Variants in ABHD2 observed in about 807,000 individuals in gnomAD.
The protein encoded by ABHD2 is monoacylglycerol lipase ABHD2.
Under a neutral mutation model 48.1 loss-of-function variants are expected in ABHD2, and 20 were observed. The observed-to-expected ratio is 0.42, with a 90% CI of 0.29 to 0.60. The LOEUF (loss-of-function observed/expected upper bound fraction) is 0.60. Among genes scored for constraint, ABHD2 ranks in the 20% least tolerant of loss-of-function variants. The pLI is 0.24. For missense variants in ABHD2, 405 were observed against 550.9 expected (o/e 0.74, Z 2.65); for synonymous variants, 209 against 214.2 (o/e 0.98, Z 0.21).
intron 5 of ABHD2, among the ~76,000 whole-genome samples, chr15:89,158,773 T>C (rs762500330): frequency 6.6e-6 from 1 of 151,982 alleles, no homozygotes; most frequent in African/African-American, 2.4e-5. Context: ...AGTGAAGTAG[T>C]GCAATCATGG....
chr15:89,201,578 A>C lies in ABHD2; in HGVS notation c.*6155A>C. The C allele has an allele frequency of 1.3e-6, 2 of 1,596,446 alleles. No individual in the cohort carries two copies. The highest frequency in any genetic ancestry group is 1.7e-6 in the Non-Finnish European group (2 of 1,164,016). ...CAAAGGGCTGTAGCATTACTGAAAC[A>C]GTCACAGTTGACCCTGGGTCAATAA... On this transcript the variant is annotated 3_prime_UTR_variant, in exon 11 of 11. Transcript: ENST00000352732.
chr15:89,127,704 TACATATATATATATAC>T lies in ABHD2; in HGVS notation c.194+11199_194+11214del, dbSNP rs1163511427. 5.2e-4 allele frequency among the ~76,000 whole-genome samples: 48 copies of T among 93,010 alleles called. 1 individual carries two copies. Among genetic ancestry groups the T allele is most frequent in the Middle Eastern group, 5.2e-3 (1 of 194 alleles). The allele number at this position is 93,010 out of a possible 152,430, so 61.0% of individuals were successfully genotyped here. On this transcript the variant is annotated intron_variant, in intron 3 of 10. Transcript: ENST00000352732. ...ATTCTTCTCAGTGAATATATATATA[TACATATATATATATAC>T]ACATATATATATATATATATGTATA...
chr15:89,197,180 T>TG lies in ABHD2; in HGVS notation c.*1757_*1758insG, dbSNP rs2051419550. 1 of 152,624 alleles carries TG rather than the reference T, an allele frequency of 6.6e-6. No homozygotes were observed. The highest frequency in any genetic ancestry group is 1.5e-5 in the Non-Finnish European group (1 of 68,036). 9.5% of individuals were successfully genotyped at this position (152,624 alleles called of 1,614,324 possible). On this transcript the variant is annotated 3_prime_UTR_variant, in exon 11 of 11. Coordinates refer to ENST00000352732, the MANE Select transcript of ABHD2 (RefSeq NM_152924.5). This position sits in a 1 kb window ranked among gnomAD's most constrained non-coding sequence, Gnocchi z 4.4. ...CAGGTCTGTAACCTGAAGAAGTTGT[T>TG]TTCTGACAATCACCAAATCATCCGA...
At chr15:89,152,170 G>A (rs1247617741) in intron 4 of ABHD2, among the ~76,000 whole-genome samples, 1 of 151,940 alleles carries the variant, frequency 6.6e-6, no homozygotes, top group Non-Finnish European at 1.5e-5. Context: ...CCGCCTCCCA[G>A]GTTCACTCCA....
Position 89,188,975 on chromosome 15 carries a change from A to G in ABHD2, c.926+672A>G, listed in dbSNP as rs1208843695. On this transcript the variant is annotated intron_variant, in intron 8 of 10. Coordinates refer to ENST00000352732, the MANE Select transcript of ABHD2 (RefSeq NM_152924.5). The surrounding 1 kb of genome is among the most constrained non-coding windows in gnomAD (Gnocchi z 4.1). ...TGGACAGAGCCTCTTACTTTGGGGC[A>G]TGGTGACTCCACTCTGAGTGTGAGA... 1.3e-5 allele frequency among the ~76,000 whole-genome samples: 2 copies of G among 152,102 alleles called. No homozygotes were observed.
chr15:89,171,660 C>T (rs2050930093), intron 5 of ABHD2, among the ~76,000 whole-genome samples: 1 of 152,168 alleles, frequency 6.6e-6, no homozygotes, highest in African/African-American at 2.4e-5. Context: ...AAAGGCTAAG[C>T]AGCGCCCCCA....
upstream of ABHD2, among the ~76,000 whole-genome samples, chr15:89,086,646 C>CT (rs1240330153): frequency 6.6e-6 from 1 of 152,224 alleles, no homozygotes; most frequent in Non-Finnish European, 1.5e-5. Context: ...GACTCCTGGG[C>CT]TCCGCCTCAG....
intron 5 of ABHD2, among the ~76,000 whole-genome samples, chr15:89,171,326 G>C (rs1171606002): frequency 2.0e-5 from 3 of 152,070 alleles, no homozygotes; most frequent in Non-Finnish European, 2.9e-5. Context: ...CCGTGGGTTT[G>C]GGGTGAGGTC....
intron 3 of ABHD2, among the ~76,000 whole-genome samples, chr15:89,123,432 C>T (rs1354673665): frequency 1.3e-5 from 2 of 152,298 alleles, no homozygotes; most frequent in East Asian, 3.9e-4. Flanking sequence ...ATTTGAGGAT[C>T]TACTTCTCTG....
chr15:89,151,997 T>G lies in ABHD2; in HGVS notation c.370+145T>G, dbSNP rs1218660261. On this transcript the variant is annotated intron_variant, in intron 4 of 10. Coordinates refer to ENST00000352732, the MANE Select transcript of ABHD2 (RefSeq NM_152924.5). This position sits in a 1 kb window ranked among gnomAD's most constrained non-coding sequence, Gnocchi z 4.7. Reference sequence around the variant, plus strand: ...GGGAAGCCTGCTGGGATTCGTCACTTAGGAGCAGCCTGCAAAGGTTAGCTT... The same window carrying G: ...GGGAAGCCTGCTGGGATTCGTCACTGAGGAGCAGCCTGCAAAGGTTAGCTT... 2 of 1,031,828 alleles carry G rather than the reference T, an allele frequency of 1.9e-6. No individual in the cohort carries two copies. Among genetic ancestry groups the G allele is most frequent in the Non-Finnish European group, 2.8e-6 (2 of 716,918 alleles). 63.9% of individuals were successfully genotyped at this position (1,031,828 alleles called of 1,614,324 possible).
upstream of ABHD2, chr15:89,087,687 C>G (rs1314324133): frequency 6.6e-6 from 1 of 152,314 alleles, no homozygotes; most frequent in Non-Finnish European, 1.5e-5. This position sits in a 1 kb window ranked among gnomAD's most constrained non-coding sequence, Gnocchi z 5.5. Flanking sequence ...CAAGCCCACA[C>G]AACCGGTAGG....
chr15:89,115,205 G>A (rs964098733), intron 2 of ABHD2, among the ~76,000 whole-genome samples: 8 of 152,138 alleles, frequency 5.3e-5, no homozygotes, highest in Non-Finnish European at 1.2e-4. Context: ...AGCTACCTTG[G>A]CTATGAGAGT....
chr15:89,060,441 G>A, the ABHD2 span, among the ~76,000 whole-genome samples: 3 of 151,198 alleles, frequency 2.0e-5, no homozygotes, highest in African/African-American at 4.9e-5. Flanking sequence ...GAGTTTTTTC[G>A]CTCATTTTCT....
rs1342577634 is a variant in ABHD2 at position 89,179,444 on chromosome 15, G to T, written c.722+3449G>T. Among the ~76,000 whole-genome samples, 1 of 152,216 alleles carries T rather than the reference G, an allele frequency of 6.6e-6. No individual in the cohort carries two copies. The highest frequency in any genetic ancestry group is 1.9e-4 in the East Asian group (1 of 5,204). ...ATGAACCTTATTGTGAACTGCGCAT[G>T]TGAGGGATAGTTTGCATCTTCTTAT... On this transcript the variant is annotated intron_variant, in intron 6 of 10. Coordinates refer to ENST00000352732, the MANE Select transcript of ABHD2 (RefSeq NM_152924.5). The surrounding 1 kb of genome is among the most constrained non-coding windows in gnomAD (Gnocchi z 4.3).
At chr15:89,128,512 G>A (rs1389380885) in intron 3 of ABHD2, among the ~76,000 whole-genome samples, 2 of 152,148 alleles carry the variant, frequency 1.3e-5, no homozygotes, top group African/African-American at 4.8e-5. Context: ...CTCTATTCTT[G>A]TCTCCTAATT....
chr15:89,090,702 C>T (rs918468774), intron 1 of ABHD2, among the ~76,000 whole-genome samples: 1 of 152,126 alleles, frequency 6.6e-6, no homozygotes, highest in African/African-American at 2.4e-5. Flanking sequence ...GGGAATCCCT[C>T]GAAATGGTAA....
At position 89,164,245 on chromosome 15, in the gene ABHD2, A is replaced by G. The variant is rs1361689718; in HGVS notation, c.538+8711A>G. ...TTGGGGAAGGAGGGTGCACAGTCAC[A>G]GTCGGTCTAAGCTTATTGGCTAGGT... On this transcript the variant is annotated intron_variant, in intron 5 of 10. Coordinates refer to ENST00000352732, the MANE Select transcript of ABHD2 (RefSeq NM_152924.5). This position sits in a 1 kb window ranked among gnomAD's most constrained non-coding sequence, Gnocchi z 5.0. Among the ~76,000 whole-genome samples, 1 of 152,204 alleles carries G rather than the reference A, an allele frequency of 6.6e-6. No individual in the cohort carries two copies.
In ABHD2 at chr15:89,200,617, A is replaced by G. The variant is rs947439443; in HGVS notation, c.*5194A>G. ...TTTGTTTTTATTGTGTTTTCTAACC[A>G]TAAGAGATCATTAAAGGCAAAGCCT... On this transcript the variant is annotated 3_prime_UTR_variant, in exon 11 of 11. Coordinates refer to ENST00000352732, the MANE Select transcript of ABHD2 (RefSeq NM_152924.5). The G allele has an allele frequency of 1.9e-5, 3 of 158,332 alleles. No homozygotes were observed. The highest frequency in any genetic ancestry group is 6.4e-5 in the Admixed American group (1 of 15,526). 9.8% of individuals were successfully genotyped at this position (158,332 alleles called of 1,614,324 possible).
Position 89,146,355 on chromosome 15 carries a change from C to CGTGTGTGT in ABHD2, c.195-5285_195-5278dup, listed in dbSNP as rs4032279. Among the ~76,000 whole-genome samples the CGTGTGTGT allele has an allele frequency of 0.033, 3,974 of 121,524 alleles. 115 individuals carry two copies. Among genetic ancestry groups the CGTGTGTGT allele is most frequent in the Middle Eastern group, 0.058 (14 of 242 alleles). 79.7% of individuals were successfully genotyped at this position (121,524 alleles called of 152,430 possible). On this transcript the variant is annotated intron_variant, in intron 3 of 10. Coordinates refer to ENST00000352732, the MANE Select transcript of ABHD2 (RefSeq NM_152924.5). The surrounding 1 kb of genome is among the most constrained non-coding windows in gnomAD (Gnocchi z 4.2). ...TGAGCTTCATCTGCTCAAAGACGTA[C>CGTGTGTGT]GTGTGTGTGTGTGTGTGTGTGTGTG...
Sources: allele counts gnomAD v4.1 joint callset (sites outside exome capture counted in the v4.1 genomes callset), GRCh38; gene constraint gnomAD v4.1.1; non-coding constraint Gnocchi (gnomAD v3.1); transcripts MANE v1.5; gene names NCBI Gene and HGNC (gene_info 2026-07-23, HGNC 2026-07-21).